Variants in CAMTA1 observed in about 807,000 individuals in gnomAD.
CAMTA1 encodes calmodulin binding transcription activator 1, also known as calmodulin-binding transcription activator 1.
CAMTA1 carries 27 observed loss-of-function variants against 170.9 expected under a neutral mutation model. That is an observed-to-expected ratio of 0.16 (90% CI 0.12 to 0.22). The LOEUF (loss-of-function observed/expected upper bound fraction) is 0.22. CAMTA1 is among the 10% of genes least tolerant of loss of function. The pLI is 1.00. For missense variants in CAMTA1, 1,619 were observed against 2,217.2 expected (o/e 0.73, Z 5.42); for synonymous variants, 833 against 891.5 (o/e 0.93, Z 1.17).
intron 3 of CAMTA1, among the ~76,000 whole-genome samples, chr1:6,857,712 C>T (rs1236189236): frequency 6.6e-6 from 1 of 152,124 alleles, no homozygotes; most frequent in African/African-American, 2.4e-5. Flanking sequence ...GTATGACAGG[C>T]AATACTCTAA....
chr1:6,828,570 G>A (rs1231033692), intron 3 of CAMTA1, among the ~76,000 whole-genome samples: 3 of 151,956 alleles, frequency 2.0e-5, no homozygotes, highest in Admixed American at 6.6e-5. Context: ...GATTACAGGC[G>A]TGAACCACTG....
At chr1:7,408,309 A>G (rs541965486) in intron 5 of CAMTA1, among the ~76,000 whole-genome samples, 5 of 152,348 alleles carry the variant, frequency 3.3e-5, no homozygotes, top group African/African-American at 9.6e-5. Flanking sequence ...AGGACTTGGC[A>G]CAGAACAGCT....
intron 5 of CAMTA1, among the ~76,000 whole-genome samples, chr1:7,270,238 T>C (rs200477896): frequency 0.27 from 19,137 of 71,564 alleles, 1,619 homozygotes; most frequent in East Asian, 0.42. Context: ...TATACACATA[T>C]ATACATACAC....
At chr1:7,028,443 C>T (rs1001716101) in intron 3 of CAMTA1, among the ~76,000 whole-genome samples, 6 of 152,190 alleles carry the variant, frequency 3.9e-5, no homozygotes, top group Non-Finnish European at 8.8e-5. Context: ...TCTCCAACTT[C>T]TGAGGCTGTC....
At chr1:7,187,693 C>A (rs1193294422) in intron 4 of CAMTA1, among the ~76,000 whole-genome samples, 2 of 152,228 alleles carry the variant, frequency 1.3e-5, no homozygotes, top group African/African-American at 4.8e-5. Context: ...AAAGCCCATA[C>A]TTCCTGGCAC....
chr1:7,221,230 T>C (rs1313713852), intron 4 of CAMTA1, among the ~76,000 whole-genome samples: 2 of 152,244 alleles, frequency 1.3e-5, no homozygotes, highest in Admixed American at 6.5e-5. Flanking sequence ...ATTCTTTTTT[T>C]TTTTTTTAAT....
chr1:7,171,424 T>G (rs6577416), intron 4 of CAMTA1, among the ~76,000 whole-genome samples: 54,142 of 151,980 alleles, frequency 0.36, 10,066 homozygotes, highest in African/African-American at 0.46. Flanking sequence ...CCTGCTCAAA[T>G]GTTACCTCCT....
chr1:7,726,781 G>A (rs1040503235), intron 11 of CAMTA1, among the ~76,000 whole-genome samples: 6 of 152,216 alleles, frequency 3.9e-5, no homozygotes, highest in Non-Finnish European at 7.3e-5. Flanking sequence ...AATATTTCAG[G>A]ATAAGAACTA....
At chr1:7,408,413 C>T (rs935636338) in intron 5 of CAMTA1, among the ~76,000 whole-genome samples, 3 of 152,244 alleles carry the variant, frequency 2.0e-5, no homozygotes, top group Non-Finnish European at 2.9e-5. Flanking sequence ...CAGCCCCTCC[C>T]CTCCTCCCCA....
At chr1:7,058,077 C>T (rs544470921) in intron 3 of CAMTA1, among the ~76,000 whole-genome samples, 1 of 152,252 alleles carries the variant, frequency 6.6e-6, no homozygotes, top group African/African-American at 2.4e-5. Flanking sequence ...GGACGGAGAC[C>T]GGCCCCTTCC....
chr1:7,758,342 C>T (rs557856958), intron 22 of CAMTA1, among the ~76,000 whole-genome samples: 35 of 152,334 alleles, frequency 2.3e-4, no homozygotes, highest in African/African-American at 7.7e-4. Context: ...AACTCCTACT[C>T]ATGCATGGAA....
chr1:7,329,937 TCC>T (rs141495465), intron 5 of CAMTA1, among the ~76,000 whole-genome samples: 2,918 of 152,250 alleles, frequency 0.019, 44 homozygotes, highest in Admixed American at 0.036. Flanking sequence ...AGGCTCTCTC[TCC>T]CACAGACCCT....
At chr1:7,338,674 GAAA>G (rs1557544913) in intron 5 of CAMTA1, among the ~76,000 whole-genome samples, 2 of 152,182 alleles carry the variant, frequency 1.3e-5, no homozygotes, top group East Asian at 3.9e-4. Flanking sequence ...CCACGAGAAA[GAAA>G]AAAAGTAGGA....
chr1:7,420,587 C>T (rs908268562), intron 5 of CAMTA1, among the ~76,000 whole-genome samples: 2 of 152,126 alleles, frequency 1.3e-5, no homozygotes, highest in African/African-American at 4.8e-5. Flanking sequence ...ACCGAGCCCC[C>T]ACCAGCTTCT....
At chr1:7,441,211 A>G (rs1355897427) in intron 5 of CAMTA1, 1 of 152,228 alleles carries the variant, frequency 6.6e-6, no homozygotes, top group Non-Finnish European at 1.5e-5. Context: ...ACATGGTGTA[A>G]TATTGAATGT....
intron 6 of CAMTA1, among the ~76,000 whole-genome samples, chr1:7,620,455 G>A (rs764438220): frequency 2.6e-5 from 4 of 152,206 alleles, no homozygotes; most frequent in African/African-American, 4.8e-5. Context: ...CCAATGAGAT[G>A]TGACTGGAAG....
chr1:7,719,299 C>T (rs566576105), intron 11 of CAMTA1, among the ~76,000 whole-genome samples: 2 of 152,276 alleles, frequency 1.3e-5, no homozygotes, highest in South Asian at 4.1e-4. Context: ...CCCTGAGACA[C>T]CCCTAGCTCT....
intron 4 of CAMTA1, among the ~76,000 whole-genome samples, chr1:7,175,611 C>T (rs1242234234): frequency 6.6e-6 from 1 of 152,244 alleles, no homozygotes; most frequent in East Asian, 1.9e-4. Flanking sequence ...GAGGAGCAGG[C>T]AACTGCACTG....
At chr1:7,621,941 G>A (rs918290489) in intron 6 of CAMTA1, among the ~76,000 whole-genome samples, 19 of 152,328 alleles carry the variant, frequency 1.2e-4, no homozygotes, top group South Asian at 8.3e-4. Context: ...ATAGTGAGGC[G>A]TCTTCTCTGG....
Sources: allele counts gnomAD v4.1 joint callset (sites outside exome capture counted in the v4.1 genomes callset), GRCh38; gene constraint gnomAD v4.1.1; transcripts MANE v1.5; gene names NCBI Gene and HGNC (gene_info 2026-07-23, HGNC 2026-07-21).